The following PITPNM3 variants were observed in gnomAD, a reference collection of about 807,000 sequenced individuals.
PITPNM3 encodes PITPNM family member 3, also known as membrane-associated phosphatidylinositol transfer protein 3.
A neutral mutation model predicts 102.0 loss-of-function variants in PITPNM3; 26 were observed. That is an observed-to-expected ratio of 0.25 (90% CI 0.19 to 0.35). PITPNM3 has a LOEUF of 0.35. Among genes scored for constraint, PITPNM3 ranks in the 10% least tolerant of loss-of-function variants. The probability of loss-of-function intolerance (pLI) is 1.00; values close to 1 mark genes in which losing one functional copy is unlikely to be tolerated. For synonymous variants in PITPNM3, 578 were observed against 558.6 expected (o/e 1.03, Z -0.49); for missense variants, 1,083 against 1,346.1 (o/e 0.80, Z 3.06).
Position 6,469,693 on chromosome 17 carries a change from G to T in PITPNM3, c.1773+567C>A, listed in dbSNP as rs568190239. The stretch of plus-strand genomic sequence containing the variant: ...CAAGAGGCCTCATGGTTCCTCTCCT[G>T]CCGTGAAAACAGCAGCCTCAGCCTC... On this transcript the variant is annotated intron_variant, in intron 13 of 19. Transcript: ENST00000262483. The surrounding 1 kb of genome is among the most constrained non-coding windows in gnomAD (Gnocchi z 4.0). Among the ~76,000 whole-genome samples, 147 of 152,258 alleles carry T rather than the reference G, an allele frequency of 9.7e-4. 1 individual carries two copies. The highest frequency in any genetic ancestry group is 3.4e-3 in the African/African-American group (141 of 41,544).
chr17:6,535,608 C>T (rs1260492791), intron 2 of PITPNM3, among the ~76,000 whole-genome samples: 3 of 151,082 alleles, frequency 2.0e-5, no homozygotes, highest in Admixed American at 6.6e-5. Flanking sequence ...TCTGGGATCC[C>T]GAAAAAAGGG....
At chr17:6,465,345 C>T (rs1904713474) in intron 14 of PITPNM3, among the ~76,000 whole-genome samples, 1 of 152,180 alleles carries the variant, frequency 6.6e-6, no homozygotes, top group East Asian at 1.9e-4. Context: ...CGTGCCTGGC[C>T]CGTTCTCTGT....
At position 6,468,089 on chromosome 17, in the gene PITPNM3, C is replaced by T. The variant is rs946319963; in HGVS notation, c.1890+136G>A. 2.5e-5 allele frequency: 21 copies of T among 849,650 alleles called. No individual in the cohort carries two copies. The highest frequency in any genetic ancestry group is 2.0e-4 in the African/African-American group (12 of 60,694). 52.6% of individuals were successfully genotyped at this position (849,650 alleles called of 1,614,324 possible). On this transcript the variant is annotated intron_variant, in intron 14 of 19. Coordinates refer to ENST00000262483, the MANE Select transcript of PITPNM3 (RefSeq NM_031220.4). This position sits in a 1 kb window ranked among gnomAD's most constrained non-coding sequence, Gnocchi z 5.2. The stretch of plus-strand genomic sequence containing the variant: ...TGCCTGGGCTCCATCTGAGTGTGAG[C>T]CCCAGCCTGTTTGGGTGCTGAGCTC...
chr17:6,461,412 C>T lies in PITPNM3; in HGVS notation c.2451G>A (p.Leu817=), dbSNP rs902335407. Residue 817 remains leucine (L), a synonymous_variant, in exon 18 of 20, where the codon CTG becomes CTA. Coordinates refer to ENST00000262483, the MANE Select transcript of PITPNM3 (RefSeq NM_031220.4). ...FFSDGLVHDP[L]RQKAIFLRNL... ...TGCGCAGGAAGATGGCCTTCTGCCG[C>T]AGCGGGTCATGCACCAGCCCATCGG... 1.9e-6 allele frequency: 3 copies of T among 1,614,064 alleles called. No individual in the cohort carries two copies. The highest frequency in any genetic ancestry group is 2.7e-5 in the African/African-American group (2 of 74,956).
chr17:6,545,276 C>G (rs965586438), intron 1 of PITPNM3, among the ~76,000 whole-genome samples: 2 of 152,136 alleles, frequency 1.3e-5, no homozygotes, highest in Non-Finnish European at 2.9e-5. Context: ...TATAAAAGGG[C>G]GTGTTAAATA....
At chr17:6,507,584 A>C (rs1907610448) in intron 3 of PITPNM3, among the ~76,000 whole-genome samples, 1 of 150,556 alleles carries the variant, frequency 6.6e-6, no homozygotes, top group South Asian at 2.1e-4. Context: ...ACTCCATTTA[A>C]AAAAAAAAAC....
chr17:6,476,677 A>G (rs532035165), intron 9 of PITPNM3, among the ~76,000 whole-genome samples: 2 of 152,362 alleles, frequency 1.3e-5, no homozygotes, highest in African/African-American at 4.8e-5. Flanking sequence ...CACAAAACAC[A>G]GTCACAGCAA....
At chr17:6,476,982 T>C (rs780538396) in intron 9 of PITPNM3, 47 bp downstream of exon 9, 21 of 1,602,368 alleles carry the variant, frequency 1.3e-5, no homozygotes, top group Admixed American at 3.4e-5. Flanking sequence ...GCCCTCCCAG[T>C]TGGCTCTGAG....
intron 1 of PITPNM3, among the ~76,000 whole-genome samples, chr17:6,543,925 C>G (rs777143664): frequency 1.3e-5 from 2 of 152,188 alleles, no homozygotes; most frequent in African/African-American, 2.4e-5. Context: ...AACAATCGAG[C>G]CCTTTCCAAG....
intron 18 of PITPNM3, among the ~76,000 whole-genome samples, chr17:6,460,066 C>A (rs1904370254): frequency 6.6e-6 from 1 of 152,122 alleles, no homozygotes; most frequent in Non-Finnish European, 1.5e-5. Flanking sequence ...CTCCATGGCT[C>A]CCCGTGACCC....
At chr17:6,456,962 A>G (rs906759660) in intron 19 of PITPNM3, among the ~76,000 whole-genome samples, 3 of 151,900 alleles carry the variant, frequency 2.0e-5, no homozygotes, top group African/African-American at 7.3e-5. Flanking sequence ...CCTCTGAACC[A>G]CCTGCCACCT....
Position 6,474,458 on chromosome 17 carries a change from C to T in PITPNM3, c.1232G>A (p.Arg411Gln), listed in dbSNP as rs1905205568. Residue 411 changes from arginine to glutamine, a missense_variant, in exon 10 of 20, where the codon CGG becomes CAG. By Grantham distance (43) the Arg-to-Gln change is conservative. Transcript: ENST00000262483. ...GTCCAGCCCAGGCAGCACCGTCCTC[C>T]GCATGGCCAGGACCAGGCCCAGTGG... is the stretch of plus-strand genomic sequence containing the variant. ...GSPLGLVLAM[R>Q]RTVLPGLDGF... is the part of the protein sequence containing the mutation. The T allele has an allele frequency of 1.9e-6, 3 of 1,613,418 alleles. No homozygotes were observed. The highest frequency in any genetic ancestry group is 1.3e-5 in the African/African-American group (1 of 74,926).
chr17:6,491,161 A>G (rs968592479), intron 4 of PITPNM3, among the ~76,000 whole-genome samples: 2 of 147,772 alleles, frequency 1.4e-5, no homozygotes, highest in African/African-American at 5.0e-5. Flanking sequence ...TCTGATAGGT[A>G]CTCTTGGAAC....
chr17:6,461,265 C>T lies in PITPNM3; in HGVS notation c.2490+108G>A. 6 of 1,338,618 alleles carry T rather than the reference C, an allele frequency of 4.5e-6. No homozygotes were observed. The South Asian group carries it at 5.9e-5, about 13-fold the overall frequency. The allele number at this position is 1,338,618 out of a possible 1,614,324, so 82.9% of individuals were successfully genotyped here. A position where few individuals can be genotyped will look rare whatever the true frequency, so the allele number is the denominator to read the frequency against. ...TCCAGATCCACGGGAATGGGATTTACAGACTGCACATCACAAGGCCCCACC... is the reference window on the plus strand; with the variant it reads ...TCCAGATCCACGGGAATGGGATTTATAGACTGCACATCACAAGGCCCCACC... On this transcript the variant is annotated intron_variant, in intron 18 of 19. Coordinates refer to ENST00000262483, the MANE Select transcript of PITPNM3 (RefSeq NM_031220.4).
At chr17:6,462,808 T>C (rs1904533802) in intron 17 of PITPNM3, among the ~76,000 whole-genome samples, 1 of 152,178 alleles carries the variant, frequency 6.6e-6, no homozygotes, top group South Asian at 2.1e-4. Context: ...TTCTGGTTAG[T>C]TCTGATGTGG....
At chr17:6,509,992 A>AC (rs1362215710) in intron 3 of PITPNM3, among the ~76,000 whole-genome samples, 1 of 129,230 alleles carries the variant, frequency 7.7e-6, no homozygotes, top group South Asian at 2.4e-4. Context: ...TCCACACCTC[A>AC]CCCCCAGCCC....
At chr17:6,503,456 G>A in intron 4 of PITPNM3, 71 bp downstream of exon 4, 1 of 1,523,864 alleles carries the variant, frequency 6.6e-7, no homozygotes, top group Non-Finnish European at 9.1e-7. Context: ...GGATGAGAGG[G>A]GACCCAGGCT....
rs551477834 is a variant in PITPNM3, at chr17:6,467,212, T to C, written c.1890+1013A>G. On this transcript the variant is annotated intron_variant, in intron 14 of 19. Transcript: ENST00000262483. ...AAGGAATTTCTGACACAGCGACCAG[T>C]TGGATGAACCTTGAAGACAGTGCGC... Among the ~76,000 whole-genome samples, 6 of 152,262 alleles carry C rather than the reference T, an allele frequency of 3.9e-5. No individual in the cohort carries two copies. The South Asian group carries it at 1.0e-3, about 26-fold the overall frequency.
At chr17:6,515,655 T>A (rs1015170843) in intron 3 of PITPNM3, among the ~76,000 whole-genome samples, 1 of 152,076 alleles carries the variant, frequency 6.6e-6, no homozygotes, top group African/African-American at 2.4e-5. Flanking sequence ...TGCTCTGTGT[T>A]GTAATCTCAC....
Sources: gnomAD v4.1 joint callset for allele counts (sites outside exome capture counted in the v4.1 genomes callset) on GRCh38, gnomAD v4.1.1 for gene constraint, Gnocchi (gnomAD v3.1) non-coding constraint, MANE v1.5 for transcripts, NCBI Gene and HGNC (gene_info 2026-07-23, HGNC 2026-07-21) for gene names.